The following TEK variants were observed in gnomAD, a reference collection of about 807,000 sequenced individuals.
The protein encoded by TEK is TEK receptor tyrosine kinase.
In TEK, 43 loss-of-function variants were observed where a neutral mutation model predicts 131.8. The ratio of observed to expected loss-of-function variants is 0.33; its 90% CI spans 0.26 to 0.42. The LOEUF (loss-of-function observed/expected upper bound fraction) is 0.42, where lower values mean the gene tolerates loss of function less well. TEK is among the 10% of genes least tolerant of loss of function. The pLI, the probability that TEK is intolerant of heterozygous loss-of-function variation, is 1.00. For missense variants in TEK, 1,162 were observed against 1,384.4 expected, an observed-to-expected ratio of 0.84 and a Z score of 2.55; for synonymous variants, 580 against 491.6, an observed-to-expected ratio of 1.18 and a Z score of -2.38.
intron 1 of TEK, among the ~76,000 whole-genome samples, chr9:27,138,013 A>G (rs36058681): frequency 0.52 from 77,923 of 151,008 alleles, 20,963 homozygotes; most frequent in African/African-American, 0.56. Context: ...TGAAGCCGCA[A>G]ACCTTCCCAG....
At chr9:27,148,110 G>A (rs1004002695) in intron 1 of TEK, among the ~76,000 whole-genome samples, 1 of 152,134 alleles carries the variant, frequency 6.6e-6, no homozygotes, top group East Asian at 1.9e-4. Flanking sequence ...GATGAATTAG[G>A]GTTAGCTTTT....
chr9:27,118,483 T>C (rs974073270), intron 1 of TEK, among the ~76,000 whole-genome samples: 28 of 151,888 alleles, frequency 1.8e-4, no homozygotes, highest in Admixed American at 5.2e-4. Context: ...ATAATACAAA[T>C]ATTGGCTGGG....
At chr9:27,160,784 G>A (rs1823518526) in intron 2 of TEK, among the ~76,000 whole-genome samples, 1 of 152,196 alleles carries the variant, frequency 6.6e-6, no homozygotes, top group Admixed American at 6.5e-5. Context: ...CAGGGCAAGT[G>A]GGAAAAGTGC....
intron 1 of TEK, among the ~76,000 whole-genome samples, chr9:27,146,701 G>A (rs1281985844): frequency 6.6e-6 from 1 of 151,092 alleles, no homozygotes; most frequent in Non-Finnish European, 1.5e-5. Context: ...TGAATAAATA[G>A]AGCTGCTATA....
intron 1 of TEK, among the ~76,000 whole-genome samples, chr9:27,114,012 C>T (rs543087845): frequency 7.2e-5 from 11 of 152,350 alleles, no homozygotes; most frequent in Middle Eastern, 6.8e-3. Flanking sequence ...AACTCTTCCT[C>T]CTGATGTTCT....
At chr9:27,193,053 A>G (rs1211786824) in intron 11 of TEK, among the ~76,000 whole-genome samples, 1 of 152,132 alleles carries the variant, frequency 6.6e-6, no homozygotes, top group African/African-American at 2.4e-5. Flanking sequence ...CAGTTTATTT[A>G]TTTTCAAAAA....
chr9:27,137,722 T>A (rs1200682924), intron 1 of TEK, among the ~76,000 whole-genome samples: 5 of 152,224 alleles, frequency 3.3e-5, no homozygotes, highest in African/African-American at 1.2e-4. Context: ...TACAAAGAGA[T>A]CCCAGAGGCT....
intron 1 of TEK, among the ~76,000 whole-genome samples, chr9:27,150,013 C>G (rs1280091848): frequency 3.3e-5 from 5 of 152,184 alleles, no homozygotes; most frequent in South Asian, 2.1e-4. Context: ...AAACTCCTCT[C>G]TAGATATTCT....
chr9:27,210,368 C>G (rs1172962734), intron 16 of TEK: 2 of 162,568 alleles, frequency 1.2e-5, no homozygotes, highest in Admixed American at 6.3e-5. Context: ...TCTGTACAAA[C>G]CCTACAAATG....
At chr9:27,116,566 A>T (rs1172151922) in intron 1 of TEK, among the ~76,000 whole-genome samples, 1 of 152,158 alleles carries the variant, frequency 6.6e-6, no homozygotes, top group Non-Finnish European at 1.5e-5. Flanking sequence ...TACAGGCGTG[A>T]GCCACCGCAC....
chr9:27,133,416 T>G (rs560538784), intron 1 of TEK, among the ~76,000 whole-genome samples: 8 of 152,358 alleles, frequency 5.3e-5, no homozygotes, highest in Non-Finnish European at 1.0e-4. Flanking sequence ...CTTATGAGCC[T>G]TAAGAGCCAC....
intron 9 of TEK, among the ~76,000 whole-genome samples, chr9:27,187,099 A>T (rs902954446): frequency 6.6e-5 from 10 of 152,208 alleles, no homozygotes; most frequent in Non-Finnish European, 8.8e-5. Flanking sequence ...TTTGCTACCC[A>T]TGGACATACG....
chr9:27,187,889 A>G (rs1824658271), intron 9 of TEK, among the ~76,000 whole-genome samples: 1 of 152,146 alleles, frequency 6.6e-6, no homozygotes, highest in African/African-American at 2.4e-5. Flanking sequence ...GGCAAACCCT[A>G]ATAAACTTAT....
At chr9:27,147,531 G>C (rs887725422) in intron 1 of TEK, among the ~76,000 whole-genome samples, 65 of 151,432 alleles carry the variant, frequency 4.3e-4, no homozygotes, top group African/African-American at 1.4e-3. Context: ...TTCATGGTTT[G>C]TCCTTTTATT....
intron 16 of TEK, among the ~76,000 whole-genome samples, chr9:27,212,453 G>A (rs1047752938): frequency 2.0e-5 from 3 of 152,146 alleles, no homozygotes; most frequent in African/African-American, 7.2e-5. Context: ...GAAGCCCTCT[G>A]TGTGAGTGCA....
At chr9:27,220,434 C>CATACAACACT (rs1174640786) in intron 21 of TEK, among the ~76,000 whole-genome samples, 1 of 152,140 alleles carries the variant, frequency 6.6e-6, no homozygotes, top group Non-Finnish European at 1.5e-5. Flanking sequence ...ATTCTTTAAA[C>CATACAACACT]ATACAACACT....
chr9:27,208,341 A>ATG (rs1165336543), intron 15 of TEK, among the ~76,000 whole-genome samples: 8 of 149,370 alleles, frequency 5.4e-5, no homozygotes, highest in South Asian at 2.1e-4. Context: ...TTGCCACCCA[A>ATG]TGTGTGTTTT....
At chr9:27,137,818 C>T (rs1460495007) in intron 1 of TEK, among the ~76,000 whole-genome samples, 5 of 151,892 alleles carry the variant, frequency 3.3e-5, no homozygotes, top group Non-Finnish European at 7.3e-5. Flanking sequence ...TTCTCTCTGC[C>T]TTTCCTGGTT....
chr9:27,228,329 G>C (rs751821709), intron 22 of TEK, 24 bp downstream of exon 22: 2 of 1,566,750 alleles, frequency 1.3e-6, no homozygotes, highest in East Asian at 2.2e-5. Flanking sequence ...TCAGGCAGGA[G>C]ATCTTTAATT....
Sources: allele counts gnomAD v4.1 joint callset (sites outside exome capture counted in the v4.1 genomes callset), GRCh38; gene constraint gnomAD v4.1.1; transcripts MANE v1.5; gene names NCBI Gene and HGNC (gene_info 2026-07-23, HGNC 2026-07-21).